CACNG4: variants seen among roughly 807,000 people sequenced by gnomAD.
CACNG4 encodes calcium voltage-gated channel auxiliary subunit gamma 4.
In CACNG4, 8 loss-of-function variants were observed where a neutral mutation model predicts 22.9. That is an observed-to-expected ratio of 0.35 (90% CI 0.21 to 0.63). The LOEUF (loss-of-function observed/expected upper bound fraction) is 0.63, where lower values mean the gene tolerates loss of function less well. Among genes scored for constraint, CACNG4 ranks in the 30% least tolerant of loss-of-function variants. The probability of loss-of-function intolerance (pLI) is 0.72; values close to 1 mark genes in which losing one functional copy is unlikely to be tolerated. For missense variants in CACNG4, 357 were observed against 455.4 expected (o/e 0.78, Z 1.97); for synonymous variants, 188 against 191.9 (o/e 0.98, Z 0.17).
chr17:67,028,819 C>T (rs970206599), intron 3 of CACNG4, among the ~76,000 whole-genome samples: 52 of 152,224 alleles, frequency 3.4e-4, no homozygotes, highest in African/African-American at 1.2e-3. Context: ...TCTGTTCAAC[C>T]TCCCTTAGAA....
In CACNG4 at chr17:67,018,221, C is replaced by T; in HGVS notation, c.253C>T (p.His85Tyr). The change falls in exon 2 of 4, where the codon CAC becomes TAC. Residue 85 changes from histidine to tyrosine, a missense_variant. This residue lies in a region of CACNG4 where 114 missense variants were observed against 161.6 expected (regional missense o/e 0.71). Transcript: ENST00000262138. ...TAAAGGGCACTGCTTCCGGATCAAT[C>T]ACTTCCCAGAGGACAATGACTACGA... ...IYKGHCFRIN[H>Y]FPEDNDYDHD... 1.2e-6 allele frequency: 2 copies of T among 1,614,122 alleles called. No homozygotes were observed. Among genetic ancestry groups the T allele is most frequent in the Non-Finnish European group, 1.7e-6 (2 of 1,179,954 alleles).
rs1402067589 is a variant in CACNG4 at position 67,031,430 on chromosome 17, C to T, written c.*426C>T. Reference sequence around the variant, plus strand: ...GGCCACCAGAAGGCTCTGCCGGACGCCAAGAAGACGGTCTCTGGGCTCTTG... The same window carrying T: ...GGCCACCAGAAGGCTCTGCCGGACGTCAAGAAGACGGTCTCTGGGCTCTTG... On this transcript the variant is annotated 3_prime_UTR_variant, in exon 4 of 4. Transcript: ENST00000262138. The surrounding 1 kb of genome is among the most constrained non-coding windows in gnomAD (Gnocchi z 4.0). The T allele has an allele frequency of 4.3e-6, 2 of 461,450 alleles. No homozygotes were observed. The highest frequency in any genetic ancestry group is 2.0e-5 in the African/African-American group (1 of 50,332). 28.6% of individuals were successfully genotyped at this position (461,450 alleles called of 1,614,324 possible). A position where few individuals can be genotyped will look rare whatever the true frequency, so the allele number is the denominator to read the frequency against.
intron 1 of CACNG4, among the ~76,000 whole-genome samples, chr17:66,977,868 T>C (rs2035247577): frequency 6.6e-6 from 1 of 152,160 alleles, no homozygotes; most frequent in East Asian, 1.9e-4. Flanking sequence ...TACTCTCTGG[T>C]TCTGGAGACC....
chr17:66,970,279 G>A (rs895249491), intron 1 of CACNG4, among the ~76,000 whole-genome samples: 1 of 152,242 alleles, frequency 6.6e-6, no homozygotes, highest in Non-Finnish European at 1.5e-5. Context: ...GAACCATGCA[G>A]ATTTGGAAGG....
intron 1 of CACNG4, among the ~76,000 whole-genome samples, chr17:66,992,165 G>GT (rs2035344725): frequency 1.3e-5 from 2 of 148,582 alleles, no homozygotes; most frequent in South Asian, 2.1e-4. Flanking sequence ...GCTCCTGGGG[G>GT]GGGGGGGCTG....
chr17:67,031,923 A>G lies in CACNG4; in HGVS notation c.*919A>G. The G allele has an allele frequency of 2.2e-6, 1 of 456,742 alleles. No homozygotes were observed. The highest frequency in any genetic ancestry group is 1.5e-5 in the South Asian group (1 of 64,566). 28.3% of individuals were successfully genotyped at this position (456,742 alleles called of 1,614,324 possible). A position where few individuals can be genotyped will look rare whatever the true frequency, so the allele number is the denominator to read the frequency against. On this transcript the variant is annotated 3_prime_UTR_variant, in exon 4 of 4. Coordinates refer to ENST00000262138, the MANE Select transcript of CACNG4 (RefSeq NM_014405.4). This position sits in a 1 kb window ranked among gnomAD's most constrained non-coding sequence, Gnocchi z 4.0. ...ACCTCCCTCCAACTGGCATTTGGCA[A>G]CAGGAGCCTGGACTTCTGTGCAAGA... is the stretch of plus-strand genomic sequence containing the variant.
chr17:66,977,673 G>A (rs1319995142), intron 1 of CACNG4, among the ~76,000 whole-genome samples: 1 of 152,250 alleles, frequency 6.6e-6, no homozygotes, highest in Non-Finnish European at 1.5e-5. Flanking sequence ...AGAGCTGGGT[G>A]CAGAACCAGA....
At chr17:66,966,481 GTT>G (rs1245244171) in intron 1 of CACNG4, among the ~76,000 whole-genome samples, 1 of 152,146 alleles carries the variant, frequency 6.6e-6, no homozygotes, top group Non-Finnish European at 1.5e-5. Context: ...TTCAGCCGCG[GTT>G]GTTTCTTGGT....
intron 3 of CACNG4, among the ~76,000 whole-genome samples, chr17:67,029,667 C>T (rs1485472316): frequency 6.6e-6 from 1 of 152,104 alleles, no homozygotes; most frequent in African/African-American, 2.4e-5. Context: ...CAAAAACAAA[C>T]AAATCCATGT....
At position 67,031,742 on chromosome 17, in the gene CACNG4, G is replaced by T. The variant is rs1321046241; in HGVS notation, c.*738G>T. 2 of 456,634 alleles carry T rather than the reference G, an allele frequency of 4.4e-6. No homozygotes were observed. The highest frequency in any genetic ancestry group is 8.8e-6 in the Non-Finnish European group (2 of 226,986). 28.3% of individuals were successfully genotyped at this position (456,634 alleles called of 1,614,324 possible). A position where few individuals can be genotyped will look rare whatever the true frequency, so the allele number is the denominator to read the frequency against. On this transcript the variant is annotated 3_prime_UTR_variant, in exon 4 of 4. Transcript: ENST00000262138. The surrounding 1 kb of genome is among the most constrained non-coding windows in gnomAD (Gnocchi z 4.0). ...GAAGTTTCTGCCTCACTCAGAATGG[G>T]CAGGACAGACCCACTGACTGGACTT...
intron 1 of CACNG4, among the ~76,000 whole-genome samples, chr17:67,008,877 A>G (rs1289437435): frequency 6.6e-6 from 1 of 152,078 alleles, no homozygotes; most frequent in Non-Finnish European, 1.5e-5. Context: ...TGAACCCTGG[A>G]GGTGGAAGTT....
At chr17:66,977,538 A>T (rs1180945071) in intron 1 of CACNG4, among the ~76,000 whole-genome samples, 1 of 151,930 alleles carries the variant, frequency 6.6e-6, no homozygotes, top group East Asian at 1.9e-4. Flanking sequence ...TTATTTTCTC[A>T]TCTGTAAAAT....
chr17:66,990,711 C>T (rs999566041), intron 1 of CACNG4, among the ~76,000 whole-genome samples: 6 of 149,744 alleles, frequency 4.0e-5, no homozygotes, highest in Admixed American at 2.6e-4. Flanking sequence ...GACGGAGTCT[C>T]GCTCTATCGC....
chr17:67,026,771 G>A (rs1215980030), intron 3 of CACNG4, among the ~76,000 whole-genome samples: 1 of 151,852 alleles, frequency 6.6e-6, no homozygotes, highest in African/African-American at 2.4e-5. Context: ...TGGTGTGTGT[G>A]AGGAGTGTGG....
chr17:66,981,123 C>G (rs1324604613), intron 1 of CACNG4, among the ~76,000 whole-genome samples: 1 of 152,142 alleles, frequency 6.6e-6, no homozygotes, highest in Non-Finnish European at 1.5e-5. Context: ...AATGCAGAGA[C>G]ACAAGCTTCC....
chr17:66,983,351 G>A (rs954022518), intron 1 of CACNG4, among the ~76,000 whole-genome samples: 1 of 152,254 alleles, frequency 6.6e-6, no homozygotes, highest in East Asian at 1.9e-4. Context: ...AGGCGAGGTT[G>A]TGGGGTGGCT....
intron 1 of CACNG4, among the ~76,000 whole-genome samples, chr17:66,974,003 C>G (rs993095127): frequency 6.6e-6 from 1 of 152,154 alleles, no homozygotes; most frequent in African/African-American, 2.4e-5. Context: ...AAAAACTTTT[C>G]AAAGCTGTGA....
intron 1 of CACNG4, among the ~76,000 whole-genome samples, chr17:66,976,881 T>C (rs1032406395): frequency 6.6e-6 from 1 of 152,170 alleles, no homozygotes; most frequent in African/African-American, 2.4e-5. Flanking sequence ...TTCCCGCCAG[T>C]GTGGTCTCGC....
At chr17:67,000,346 C>A (rs2035400660) in intron 1 of CACNG4, among the ~76,000 whole-genome samples, 1 of 152,154 alleles carries the variant, frequency 6.6e-6, no homozygotes, top group Non-Finnish European at 1.5e-5. Context: ...CCCAGCCCAC[C>A]AAGCCCCACG....
Sources: gnomAD v4.1 joint callset for allele counts (sites outside exome capture counted in the v4.1 genomes callset) on GRCh38, gnomAD v4.1.1 for gene constraint, gnomAD v4.1.1 regional missense constraint, Gnocchi (gnomAD v3.1) non-coding constraint, MANE v1.5 for transcripts, NCBI Gene and HGNC (gene_info 2026-07-23, HGNC 2026-07-21) for gene names.